PKHD1: variants seen among roughly 807,000 people sequenced by gnomAD.
The protein encoded by PKHD1 is fibrocystin.
In PKHD1, 291 loss-of-function variants were observed where a neutral mutation model predicts 412.0. That is an observed-to-expected ratio of 0.71 (90% CI 0.64 to 0.78). The LOEUF is 0.78. Ranked by LOEUF, PKHD1 falls within the 30% of genes least tolerant of loss-of-function variation. The probability of loss-of-function intolerance (pLI) is 0.00; values close to 1 mark genes in which losing one functional copy is unlikely to be tolerated. For missense variants in PKHD1, 4,825 were observed against 4,950.7 expected (o/e 0.97, Z 0.76); for synonymous variants, 1,777 against 1,821.5 (o/e 0.98, Z 0.62).
intron 45 of PKHD1, among the ~76,000 whole-genome samples, chr6:51,884,175 T>C (rs1347108448): frequency 6.6e-6 from 1 of 152,212 alleles, no homozygotes. Flanking sequence ...TAATGACTCA[T>C]TTGAAGTTAA....
At position 52,065,002 on chromosome 6, in the gene PKHD1, G is replaced by A; in HGVS notation, c.929C>T (p.Thr310Ile). Residue 310 changes from threonine to isoleucine, a missense_variant, in exon 13 of 67, where the codon ACC (threonine) becomes ATC (isoleucine). Thr to Ile is a moderately conservative substitution (Grantham distance 89). Transcript: ENST00000371117. The stretch of plus-strand genomic sequence containing the variant: ...CACATCTTTTCCTGGAGCCCGAGTG[G>A]TGCACTCAATCTTCCTGGGAGACAC... ...RHVSPRKIEC[T>I]TRAPGKDVRL... is the part of the protein sequence containing the mutation. 1 of 1,604,044 alleles carries A rather than the reference G, an allele frequency of 6.2e-7. No individual in the cohort carries two copies.
intron 11 of PKHD1, among the ~76,000 whole-genome samples, chr6:52,067,870 C>A (rs1809988796): frequency 1.3e-5 from 2 of 152,188 alleles, no homozygotes; most frequent in Non-Finnish European, 2.9e-5. Flanking sequence ...TAGGAAGGAA[C>A]CATGCATCAG....
At chr6:51,707,687 T>C (rs546004885) in intron 60 of PKHD1, among the ~76,000 whole-genome samples, 23 of 152,224 alleles carry the variant, frequency 1.5e-4, no homozygotes, top group African/African-American at 4.3e-4. Flanking sequence ...CCGTCTGACT[T>C]CCAGCCATGC....
At chr6:51,987,040 G>T (rs190526575) in intron 35 of PKHD1, among the ~76,000 whole-genome samples, 2 of 152,190 alleles carry the variant, frequency 1.3e-5, no homozygotes, top group Non-Finnish European at 2.9e-5. Context: ...AATGCTAGGT[G>T]TGGTTGATTA....
chr6:52,031,959 C>T (rs1012925268), intron 29 of PKHD1, among the ~76,000 whole-genome samples: 1 of 152,162 alleles, frequency 6.6e-6, no homozygotes, highest in Non-Finnish European at 1.5e-5. Context: ...TTATTCTTTT[C>T]ATTACAGATA....
chr6:51,667,863 C>T (rs868856057), intron 60 of PKHD1, among the ~76,000 whole-genome samples: 30 of 151,056 alleles, frequency 2.0e-4, no homozygotes, highest in Middle Eastern at 3.4e-3. Context: ...TGTAGATACG[C>T]GGCGTTATTT....
At position 52,024,771 on chromosome 6, in the gene PKHD1, G is replaced by A. The variant is rs1801887580; in HGVS notation, c.5039C>T (p.Ala1680Val). ...LTFAVAQISG[A>V]ANIDIFIGMS... ...TCCTATAAAAATGTCAATGTTTGCA[G>A]CTCCTGAGATCTGGGCCACTGCAAA... Residue 1680 changes from alanine to valine, a missense_variant, in exon 32 of 67, where the codon GCT (alanine) becomes GTT (valine). Ala to Val is a moderately conservative substitution (Grantham distance 64). Transcript: ENST00000371117. The A allele has an allele frequency of 6.2e-6, 10 of 1,614,184 alleles. No individual in the cohort carries two copies. The highest frequency in any genetic ancestry group is 8.5e-6 in the Non-Finnish European group (10 of 1,180,014).
intron 36 of PKHD1, among the ~76,000 whole-genome samples, chr6:51,950,220 A>AAAAAAAATACATATATAT: frequency 1.0e-5 from 1 of 98,328 alleles, no homozygotes; most frequent in African/African-American, 3.8e-5. Flanking sequence ...GAAAAAAAAA[A>AAAAAAAATACATATATAT]ATATATATAT....
intron 35 of PKHD1, among the ~76,000 whole-genome samples, chr6:51,982,040 C>T (rs1795406768): frequency 1.3e-5 from 1 of 76,024 alleles, no homozygotes; most frequent in Admixed American, 1.8e-4. Flanking sequence ...GCGTCTCTGC[C>T]CGGCCGCCCC....
chr6:51,625,151 T>G (rs1205045394), intron 66 of PKHD1, among the ~76,000 whole-genome samples: 1 of 152,184 alleles, frequency 6.6e-6, no homozygotes, highest in Non-Finnish European at 1.5e-5. Context: ...CTGAATCTAG[T>G]AGTCATGCTC....
intron 60 of PKHD1, among the ~76,000 whole-genome samples, chr6:51,693,001 G>T (rs1264713964): frequency 6.6e-6 from 1 of 152,006 alleles, no homozygotes. Context: ...TCTTATCTTT[G>T]TTTCTCCTCA....
intron 60 of PKHD1, among the ~76,000 whole-genome samples, chr6:51,724,439 T>G (rs1007635108): frequency 4.6e-5 from 7 of 152,204 alleles, no homozygotes; most frequent in African/African-American, 1.7e-4. Flanking sequence ...ATATTCTCTA[T>G]GGCTCCCACT....
chr6:51,920,234 G>A (rs965828928), intron 37 of PKHD1, among the ~76,000 whole-genome samples: 4 of 152,212 alleles, frequency 2.6e-5, no homozygotes, highest in Non-Finnish European at 2.9e-5. Flanking sequence ...TCTGGTTTCT[G>A]CCCATTCAGT....
rs546158152 is a variant in PKHD1, at chr6:51,830,975, G to A, written c.8188C>T (p.Pro2730Ser). The change falls in exon 52 of 67, where the codon CCT (proline) becomes TCT (serine). Residue 2730 changes from proline (P) to serine (S), a missense_variant. Coordinates refer to ENST00000371117, the MANE Select transcript of PKHD1 (RefSeq NM_138694.4). ...PPTISASTSA[P>S]ESALKWSLPE... ...AGGGACCATTTTAAAGCTGATTCAGGGGCAGAGGTAGAAGCTAGAAAATAA... is the reference window on the plus strand; with the variant it reads ...AGGGACCATTTTAAAGCTGATTCAGAGGCAGAGGTAGAAGCTAGAAAATAA... 6.2e-7 allele frequency: 1 copy of A among 1,611,952 alleles called. No homozygotes were observed. Among genetic ancestry groups the A allele is most frequent in the South Asian group, 1.1e-5 (1 of 91,048 alleles).
rs150045646 is a variant in PKHD1, at chr6:52,073,177, G to A, written c.527+286C>T. Among the ~76,000 whole-genome samples the A allele has an allele frequency of 2.9e-4, 44 of 152,252 alleles. 1 individual carries two copies. The East Asian group carries it at 5.6e-3, about 19-fold the overall frequency. On this transcript the variant is annotated intron_variant, in intron 7 of 66. Transcript: ENST00000371117. ...TCAGGCTGAGAAACAAAGGAAGGAA[G>A]GGTGAGAATTCAAAAAGAAAATCCA... is the stretch of plus-strand genomic sequence containing the variant.
At chr6:51,649,788 A>G (rs1474298663) in intron 61 of PKHD1, among the ~76,000 whole-genome samples, 1 of 152,190 alleles carries the variant, frequency 6.6e-6, no homozygotes. Context: ...CTTCACAACA[A>G]GCCATATTTA....
intron 60 of PKHD1, among the ~76,000 whole-genome samples, chr6:51,716,754 C>T (rs973478803): frequency 1.3e-5 from 2 of 151,978 alleles, no homozygotes; most frequent in Non-Finnish European, 2.9e-5. Flanking sequence ...GATATATAGA[C>T]ATCAGGAGAA....
chr6:52,023,552 T>C (rs952829513), intron 32 of PKHD1, among the ~76,000 whole-genome samples: 1 of 152,204 alleles, frequency 6.6e-6, no homozygotes, highest in Admixed American at 6.5e-5. Flanking sequence ...TTTGCTATTG[T>C]TAATAGTGAT....
chr6:52,039,772 G>T (rs376006489), intron 27 of PKHD1, among the ~76,000 whole-genome samples: 1 of 152,132 alleles, frequency 6.6e-6, no homozygotes, highest in Non-Finnish European at 1.5e-5. Flanking sequence ...CAAAAGAACT[G>T]AAAGCATATA....
Sources: allele counts gnomAD v4.1 joint callset (sites outside exome capture counted in the v4.1 genomes callset), GRCh38; gene constraint gnomAD v4.1.1; transcripts MANE v1.5; gene names NCBI Gene and HGNC (gene_info 2026-07-23, HGNC 2026-07-21).